HPSE2: variants seen among roughly 807,000 people sequenced by gnomAD.
The protein encoded by HPSE2 is inactive heparanase-2.
Under a neutral mutation model 60.5 loss-of-function variants are expected in HPSE2, and 38 were observed. That is an observed-to-expected ratio of 0.63 (90% CI 0.48 to 0.82). The LOEUF (loss-of-function observed/expected upper bound fraction) is 0.82, where lower values mean the gene tolerates loss of function less well. HPSE2 is among the 40% of genes least tolerant of loss of function. The probability of loss-of-function intolerance (pLI) is 0.00; values close to 1 mark genes in which losing one functional copy is unlikely to be tolerated. For missense variants in HPSE2, 713 were observed against 740.4 expected (o/e 0.96, Z 0.43); for synonymous variants, 295 against 293.2 (o/e 1.01, Z -0.06).
chr10:98,759,369 C>T (rs922463335), intron 3 of HPSE2, among the ~76,000 whole-genome samples: 1 of 152,064 alleles, frequency 6.6e-6, no homozygotes, highest in African/African-American at 2.4e-5. Context: ...ATTGCCCAGA[C>T]CAATGTCAAG....
At chr10:98,941,195 C>A (rs1365360657) in intron 3 of HPSE2, among the ~76,000 whole-genome samples, 1 of 137,314 alleles carries the variant, frequency 7.3e-6, no homozygotes, top group Non-Finnish European at 1.5e-5. Flanking sequence ...CCCTCTCTCA[C>A]CACTCCTATT....
chr10:99,089,006 G>A (rs189541466), intron 3 of HPSE2, among the ~76,000 whole-genome samples: 1 of 152,150 alleles, frequency 6.6e-6, no homozygotes, highest in East Asian at 1.9e-4. Context: ...CATGTCCTTA[G>A]CCCACTTTTT....
chr10:99,268,654 A>C, the HPSE2 span, among the ~76,000 whole-genome samples: 1 of 151,818 alleles, frequency 6.6e-6, no homozygotes, highest in Non-Finnish European at 1.5e-5. Context: ...TCAAAAAAAA[A>C]AAAAAAAGGC....
At chr10:98,774,464 GTATTGT>G (rs1950300581) in intron 3 of HPSE2, among the ~76,000 whole-genome samples, 1 of 152,148 alleles carries the variant, frequency 6.6e-6, no homozygotes, top group Non-Finnish European at 1.5e-5. Context: ...GGACTTGACT[GTATTGT>G]TAGTGTTATC....
At chr10:98,738,664 T>C (rs1949418213) in intron 4 of HPSE2, among the ~76,000 whole-genome samples, 1 of 152,102 alleles carries the variant, frequency 6.6e-6, no homozygotes, top group Non-Finnish European at 1.5e-5. Flanking sequence ...GGGTGAAGGA[T>C]ATGAACAGAC....
rs552890024 is a variant in HPSE2, at chr10:98,984,269, G to A, written c.610+159969C>T. 2.5e-4 allele frequency among the ~76,000 whole-genome samples: 38 copies of A among 152,224 alleles called. 1 individual carries two copies. Among genetic ancestry groups the A allele is most frequent in the African/African-American group, 7.0e-4 (29 of 41,556 alleles). ...GTAGGGGCAGACTGACACCTCACAC[G>A]GCCAGGTACTCCTCTGAGACAAAAC... On this transcript the variant is annotated intron_variant, in intron 3 of 11. Transcript: ENST00000370552.
chr10:98,748,352 A>C (rs1216188647), intron 3 of HPSE2, among the ~76,000 whole-genome samples: 1 of 152,196 alleles, frequency 6.6e-6, no homozygotes, highest in South Asian at 2.1e-4. Context: ...TCTACAGTTT[A>C]TTAGAAAAGT....
intron 3 of HPSE2, among the ~76,000 whole-genome samples, chr10:98,973,451 C>T (rs535502354): frequency 6.6e-6 from 1 of 152,288 alleles, no homozygotes; most frequent in East Asian, 1.9e-4. Flanking sequence ...TAATTGCAGG[C>T]TATCCCTACA....
chr10:99,013,369 C>A, intron 3 of HPSE2: 3 of 589,286 alleles, frequency 5.1e-6, no homozygotes, highest in South Asian at 3.1e-5. Flanking sequence ...CTGTTCACAG[C>A]AACTATACAG....
chr10:99,203,544 A>T (rs1848645084), intron 2 of HPSE2, among the ~76,000 whole-genome samples: 1 of 151,038 alleles, frequency 6.6e-6, no homozygotes, highest in South Asian at 2.1e-4. Flanking sequence ...CAGCAGACCC[A>T]GAATTCAGTA....
In HPSE2 at chr10:98,559,048, C is replaced by T. The variant is rs545991038; in HGVS notation, c.1320+55856G>A. On this transcript the variant is annotated intron_variant, in intron 9 of 11. Coordinates refer to ENST00000370552, the MANE Select transcript of HPSE2 (RefSeq NM_021828.5). Reference sequence around the variant, plus strand: ...TGTCTGTTGGTTCTTGTTTTTCTTTCGGAGACAGGGTCTCAGTCTGTTGGC... The same window carrying T: ...TGTCTGTTGGTTCTTGTTTTTCTTTTGGAGACAGGGTCTCAGTCTGTTGGC... Among the ~76,000 whole-genome samples the T allele has an allele frequency of 9.2e-5, 14 of 152,172 alleles. No homozygotes were observed. In the East Asian group the frequency reaches 1.4e-3, roughly 15 times the overall value.
chr10:99,196,501 A>T (rs920233895), intron 2 of HPSE2, among the ~76,000 whole-genome samples: 1 of 152,130 alleles, frequency 6.6e-6, no homozygotes, highest in Non-Finnish European at 1.5e-5. Flanking sequence ...GAGCCCAAAC[A>T]AACTCTATAG....
intron 5 of HPSE2, among the ~76,000 whole-genome samples, chr10:98,712,480 C>T (rs1374019530): frequency 6.6e-6 from 1 of 151,992 alleles, no homozygotes; most frequent in South Asian, 2.1e-4. Flanking sequence ...AGCTTTCATA[C>T]CTACCCATGC....
intron 3 of HPSE2, among the ~76,000 whole-genome samples, chr10:99,103,484 G>A (rs982152684): frequency 2.0e-5 from 3 of 152,052 alleles, no homozygotes; most frequent in East Asian, 3.9e-4. Context: ...AAATAAAAGA[G>A]GATACAAACA....
intron 3 of HPSE2, among the ~76,000 whole-genome samples, chr10:98,977,324 C>T (rs953009835): frequency 1.3e-5 from 2 of 151,992 alleles, no homozygotes; most frequent in Non-Finnish European, 2.9e-5. Context: ...AAATGGAAAA[C>T]AAAAAGGCTG....
rs189737746 is a variant in HPSE2 at position 98,755,045 on chromosome 10, T to C, written c.611-10989A>G. 5.3e-5 allele frequency among the ~76,000 whole-genome samples: 8 copies of C among 151,958 alleles called. No homozygotes were observed. In the East Asian group the frequency reaches 1.4e-3, roughly 26 times the overall value. ...TGTCAGTAGTAACCTTGAATGTAAA[T>C]CAGCTAAACGCCCCACAAAAAAGGC... On this transcript the variant is annotated intron_variant, in intron 3 of 11. Coordinates refer to ENST00000370552, the MANE Select transcript of HPSE2 (RefSeq NM_021828.5).
chr10:98,642,744 G>T (rs1315802042), intron 6 of HPSE2, among the ~76,000 whole-genome samples: 2 of 152,182 alleles, frequency 1.3e-5, no homozygotes, highest in Admixed American at 1.3e-4. Context: ...CACAGGGTTA[G>T]GTGATCTTCG....
chr10:98,494,397 G>T, intron 9 of HPSE2, among the ~76,000 whole-genome samples: 1 of 152,210 alleles, frequency 6.6e-6, no homozygotes, highest in East Asian at 1.9e-4. Flanking sequence ...GAAGTAACTT[G>T]TGGAATGCTG....
chr10:99,279,385 A>G, the HPSE2 span, among the ~76,000 whole-genome samples: 2 of 152,212 alleles, frequency 1.3e-5, no homozygotes, highest in African/African-American at 4.8e-5. Context: ...AAACAGAAGT[A>G]AAAGAGTTCA....
Sources: allele counts gnomAD v4.1 joint callset (sites outside exome capture counted in the v4.1 genomes callset), GRCh38; gene constraint gnomAD v4.1.1; transcripts MANE v1.5; gene names NCBI Gene and HGNC (gene_info 2026-07-23, HGNC 2026-07-21).